The following MSRA variants were observed in gnomAD, a reference collection of about 807,000 sequenced individuals.
MSRA encodes mitochondrial peptide methionine sulfoxide reductase.
A neutral mutation model predicts 31.3 loss-of-function variants in MSRA; 54 were observed. The observed-to-expected ratio is 1.73, with a 90% CI of 1.39 to 2.17. MSRA has a LOEUF of 2.17. Ranked by LOEUF, MSRA falls within the 30% of genes most tolerant of loss-of-function variation. The pLI, the probability that MSRA is intolerant of heterozygous loss-of-function variation, is 0.00. For missense variants in MSRA, 507 were observed against 300.9 expected (o/e 1.69, Z -5.07); for synonymous variants, 169 against 116.5 (o/e 1.45, Z -2.90).
At chr8:10,311,053 A>C (rs915578688) in intron 4 of MSRA, among the ~76,000 whole-genome samples, 1 of 152,228 alleles carries the variant, frequency 6.6e-6, no homozygotes, top group Non-Finnish European at 1.5e-5. Context: ...CACTAAAAAG[A>C]AATGAAGTCA....
chr8:10,168,287 A>G (rs542596739), intron 1 of MSRA, among the ~76,000 whole-genome samples: 8 of 152,276 alleles, frequency 5.3e-5, no homozygotes, highest in African/African-American at 1.7e-4. Flanking sequence ...GTGTTGTTTT[A>G]TATGTGGAAT....
intron 1 of MSRA, among the ~76,000 whole-genome samples, chr8:10,110,084 C>T (rs1021232497): frequency 6.6e-6 from 1 of 152,160 alleles, no homozygotes; most frequent in African/African-American, 2.4e-5. Flanking sequence ...ACAGTTCATG[C>T]CCCACACAGA....
intron 2 of MSRA, among the ~76,000 whole-genome samples, chr8:10,242,719 A>AAC (rs367837207): frequency 2.4e-4 from 36 of 152,072 alleles, no homozygotes; most frequent in African/African-American, 6.0e-4. Flanking sequence ...TCTTTGTTTA[A>AAC]ACACACACAC....
intron 1 of MSRA, 113 bp downstream of exon 1, chr8:10,054,771 T>A: frequency 8.2e-7 from 1 of 1,226,522 alleles, no homozygotes; most frequent in Non-Finnish European, 1.0e-6. Context: ...CTCGGGCGGG[T>A]CGCGGGGTGG....
At chr8:10,061,111 G>T (rs1313565373) in intron 1 of MSRA, among the ~76,000 whole-genome samples, 3 of 152,060 alleles carry the variant, frequency 2.0e-5, no homozygotes, top group African/African-American at 7.2e-5. Flanking sequence ...CTGGGATGAG[G>T]GTATTCTGTA....
chr8:10,101,082 C>A (rs1156675442), intron 1 of MSRA, among the ~76,000 whole-genome samples: 1 of 152,160 alleles, frequency 6.6e-6, no homozygotes, highest in Non-Finnish European at 1.5e-5. Flanking sequence ...GCCTTTGAAA[C>A]AAATAGTCCT....
At chr8:10,268,536 TTC>T (rs1270084253) in intron 3 of MSRA, among the ~76,000 whole-genome samples, 3 of 152,252 alleles carry the variant, frequency 2.0e-5, no homozygotes, top group Non-Finnish European at 4.4e-5. Context: ...CATCTGCCTC[TTC>T]TCTCCCTATC....
At chr8:10,059,527 G>T (rs1207284065) in intron 1 of MSRA, among the ~76,000 whole-genome samples, 1 of 152,186 alleles carries the variant, frequency 6.6e-6, no homozygotes, top group African/African-American at 2.4e-5. Context: ...GAAACAGTAT[G>T]AGAACAGAAT....
At chr8:10,310,489 T>C (rs776512838) in intron 4 of MSRA, among the ~76,000 whole-genome samples, 3 of 152,254 alleles carry the variant, frequency 2.0e-5, no homozygotes, top group Admixed American at 1.3e-4. Context: ...AAAGCTTCTA[T>C]TTAACATTTT....
chr8:10,335,544 C>A (rs1802987399), intron 5 of MSRA, among the ~76,000 whole-genome samples: 1 of 152,132 alleles, frequency 6.6e-6, no homozygotes, highest in Non-Finnish European at 1.5e-5. Context: ...CTTGTCCTGA[C>A]CCCGTGGCCT....
At chr8:10,162,580 G>A (rs982730481) in intron 1 of MSRA, among the ~76,000 whole-genome samples, 2 of 152,128 alleles carry the variant, frequency 1.3e-5, no homozygotes, top group African/African-American at 4.8e-5. Context: ...TACCATGGGG[G>A]TCCAGGGGGC....
chr8:10,061,110 G>C (rs955956026), intron 1 of MSRA, among the ~76,000 whole-genome samples: 3 of 152,136 alleles, frequency 2.0e-5, no homozygotes, highest in Non-Finnish European at 2.9e-5. Flanking sequence ...CCTGGGATGA[G>C]GGTATTCTGT....
At chr8:10,413,291 C>T (rs576610641) in intron 5 of MSRA, among the ~76,000 whole-genome samples, 23 of 152,262 alleles carry the variant, frequency 1.5e-4, no homozygotes, top group African/African-American at 1.9e-4. Flanking sequence ...GTAAGGAATT[C>T]GGTGCCTAAC....
At chr8:10,183,160 A>T (rs1205155617) in intron 1 of MSRA, among the ~76,000 whole-genome samples, 1 of 152,088 alleles carries the variant, frequency 6.6e-6, no homozygotes, top group Non-Finnish European at 1.5e-5. Context: ...GCTCTTGAGG[A>T]CTATTTGCCT....
At chr8:10,281,716 G>A (rs1467710517) in intron 3 of MSRA, among the ~76,000 whole-genome samples, 1 of 152,152 alleles carries the variant, frequency 6.6e-6, no homozygotes, top group Non-Finnish European at 1.5e-5. Flanking sequence ...CCTCTGTGGG[G>A]AATTTTACTT....
intron 5 of MSRA, among the ~76,000 whole-genome samples, chr8:10,420,825 A>G (rs745780615): frequency 6.6e-6 from 1 of 152,176 alleles, no homozygotes; most frequent in Non-Finnish European, 1.5e-5. Context: ...GAATGTACTT[A>G]ACACAACTGT....
intron 1 of MSRA, among the ~76,000 whole-genome samples, chr8:10,148,165 T>A (rs1200786273): frequency 6.6e-6 from 1 of 152,226 alleles, no homozygotes; most frequent in African/African-American, 2.4e-5. Flanking sequence ...GAGTTACAGA[T>A]AATATTCTAT....
chr8:10,349,054 C>T (rs1042197803), intron 5 of MSRA, among the ~76,000 whole-genome samples: 9 of 151,942 alleles, frequency 5.9e-5, no homozygotes, highest in Admixed American at 1.3e-4. Flanking sequence ...AAAAGAATGC[C>T]GACAAAATTT....
chr8:10,324,723 A>G (rs1383228071), intron 5 of MSRA, among the ~76,000 whole-genome samples: 1 of 152,206 alleles, frequency 6.6e-6, no homozygotes, highest in African/African-American at 2.4e-5. Context: ...GTGTGGTTCC[A>G]GGGAGCAGGA....
Sources: allele counts gnomAD v4.1 joint callset (sites outside exome capture counted in the v4.1 genomes callset), GRCh38; gene constraint gnomAD v4.1.1; transcripts MANE v1.5; gene names NCBI Gene and HGNC (gene_info 2026-07-23, HGNC 2026-07-21).